Variants in CCDC3 observed in about 807,000 individuals in gnomAD.
CCDC3 encodes coiled-coil domain containing 3.
A neutral mutation model predicts 21.4 loss-of-function variants in CCDC3; 24 were observed. That is an observed-to-expected ratio of 1.12 (90% CI 0.81 to 1.58). The LOEUF (loss-of-function observed/expected upper bound fraction) is 1.58, where lower values mean the gene tolerates loss of function less well. Ranked by LOEUF, CCDC3 falls within the 40% of genes most tolerant of loss-of-function variation. The pLI, the probability that CCDC3 is intolerant of heterozygous loss-of-function variation, is 0.00. For synonymous variants in CCDC3, 186 were observed against 166.0 expected, an observed-to-expected ratio of 1.12 and a Z score of -0.93; for missense variants, 425 against 360.9, an observed-to-expected ratio of 1.18 and a Z score of -1.44.
chr10:13,001,487 C>T lies in CCDC3; in HGVS notation c.84G>A (p.Trp28Ter). Residue 28 changes from tryptophan (W) to a stop codon, truncating the protein, a stop_gained, in exon 1 of 3, where the codon TGG (tryptophan) becomes TGA (stop). Transcript: ENST00000378825. LOFTEE classifies it high-confidence loss of function. ...PARACQLPSE[W>*]RPLSEGCRAE... ...CGCGGCAGCCCTCGCTCAGGGGCCTCCACTCGGAGGGCAGCTGGCAGGCGC... is the reference window on the plus strand; with the variant it reads ...CGCGGCAGCCCTCGCTCAGGGGCCTTCACTCGGAGGGCAGCTGGCAGGCGC... 7.3e-7 allele frequency: 1 copy of T among 1,370,578 alleles called. No homozygotes were observed. The highest frequency in any genetic ancestry group is 9.4e-7 in the Non-Finnish European group (1 of 1,064,474). 84.9% of individuals were successfully genotyped at this position (1,370,578 alleles called of 1,614,324 possible). A position where few individuals can be genotyped will look rare whatever the true frequency, so the allele number is the denominator to read the frequency against.
At chr10:13,020,404 T>C (rs1445492432) in intron 5 of CCDC3, among the ~76,000 whole-genome samples, 2 of 152,166 alleles carry the variant, frequency 1.3e-5, no homozygotes, top group East Asian at 1.9e-4. Flanking sequence ...ACACAGAGGG[T>C]TGTGCTATTA....
At chr10:12,991,308 TTTG>T (rs1439392530) in intron 2 of CCDC3, among the ~76,000 whole-genome samples, 4 of 137,116 alleles carry the variant, frequency 2.9e-5, no homozygotes, top group Admixed American at 2.1e-4. Context: ...ATATGTTTTT[TTTG>T]TTGTTGTTGT....
chr10:13,046,720 A>AAG (rs1554764307), intron 5 of CCDC3, among the ~76,000 whole-genome samples: 9 of 145,094 alleles, frequency 6.2e-5, no homozygotes, highest in Middle Eastern at 3.5e-3. Flanking sequence ...AAAAAAAAAA[A>AAG]AAGAAGAAGA....
chr10:13,030,522 C>CAA (rs1351443943), intron 5 of CCDC3, among the ~76,000 whole-genome samples: 113 of 152,206 alleles, frequency 7.4e-4, no homozygotes, highest in African/African-American at 2.6e-3. Flanking sequence ...AGGCTAAATG[C>CAA]TCCAATTAAA....
At chr10:12,935,534 C>T (rs1038757975) in intron 2 of CCDC3, among the ~76,000 whole-genome samples, 2 of 152,120 alleles carry the variant, frequency 1.3e-5, no homozygotes, top group African/African-American at 2.4e-5. Flanking sequence ...CTATTTTTTA[C>T]TTCCTCCTGT....
At position 13,052,408 on chromosome 10, in the gene CCDC3, TTA is replaced by T. The variant is rs1836619247; in HGVS notation, c.-269-2469_-269-2468del. On this transcript the variant is annotated intron_variant, in intron 4 of 6. Coordinates refer to the CCDC3 transcript ENST00000378839. Reference sequence around the variant, plus strand: ...AACATCTCCAAGCTTTCTTGATTGCTTACCTGATTTGATCAGGTACGTTGTTT... The same window carrying T: ...AACATCTCCAAGCTTTCTTGATTGCTCCTGATTTGATCAGGTACGTTGTTT... Among the ~76,000 whole-genome samples the T allele has an allele frequency of 2.0e-5, 3 of 152,296 alleles. No individual in the cohort carries two copies. The South Asian group carries it at 6.2e-4, about 32-fold the overall frequency.
At chr10:12,958,063 G>C (rs1329658908) in intron 2 of CCDC3, among the ~76,000 whole-genome samples, 5 of 152,090 alleles carry the variant, frequency 3.3e-5, no homozygotes, top group African/African-American at 1.2e-4. Context: ...CTGACCTCAG[G>C]TGATCCACCT....
At position 12,904,468 on chromosome 10, in the gene CCDC3, T is replaced by TAAAA. The variant is rs55772750; in HGVS notation, c.550-5793_550-5790dup. Among the ~76,000 whole-genome samples, 5 of 40,900 alleles carry TAAAA rather than the reference T, an allele frequency of 1.2e-4. 1 individual carries two copies. The highest frequency in any genetic ancestry group is 1.8e-4 in the African/African-American group (2 of 11,056). The allele number at this position is 40,900 out of a possible 152,430, so 26.8% of individuals were successfully genotyped here. On this transcript the variant is annotated intron_variant, in intron 2 of 2. Coordinates refer to ENST00000378825, the MANE Select transcript of CCDC3 (RefSeq NM_031455.4). Reference sequence around the variant, plus strand: ...TAAGTTACAGAGCAAAAGCCAGTCTTAAAAAAAAAAAAAAAAAAAAAAAGA... The same window carrying TAAAA: ...TAAGTTACAGAGCAAAAGCCAGTCTTAAAAAAAAAAAAAAAAAAAAAAAAAAAGA...
chr10:13,000,908 G>C (rs1835839228), intron 1 of CCDC3, among the ~76,000 whole-genome samples: 1 of 152,158 alleles, frequency 6.6e-6, no homozygotes, highest in South Asian at 2.1e-4. Context: ...CAAGTCAAAG[G>C]GACTGTTGGA....
intron 2 of CCDC3, among the ~76,000 whole-genome samples, chr10:12,984,270 G>C (rs1045225714): frequency 2.0e-5 from 3 of 152,244 alleles, no homozygotes; most frequent in South Asian, 2.1e-4. Context: ...CTCCCAAAAG[G>C]ACACTATGCA....
chr10:12,938,147 G>A (rs1476607680), intron 2 of CCDC3, among the ~76,000 whole-genome samples: 1 of 152,092 alleles, frequency 6.6e-6, no homozygotes, highest in Non-Finnish European at 1.5e-5. Flanking sequence ...TTGGAAGGAG[G>A]GGTTAGCATT....
At chr10:13,090,141 T>C (rs1041590471) in intron 3 of CCDC3, among the ~76,000 whole-genome samples, 1 of 142,362 alleles carries the variant, frequency 7.0e-6, no homozygotes, top group Non-Finnish European at 1.5e-5. Context: ...CAGGCTGGAG[T>C]GCGGTGGTGT....
chr10:12,988,818 G>T (rs139461766), intron 2 of CCDC3, among the ~76,000 whole-genome samples: 1 of 152,072 alleles, frequency 6.6e-6, no homozygotes, highest in African/African-American at 2.4e-5. Context: ...ACACACTGTA[G>T]GTGTTTAGTA....
rs200224340 is a variant in CCDC3, at chr10:12,968,180, AG to A, written c.549+30157del. On this transcript the variant is annotated intron_variant, in intron 2 of 2. Coordinates refer to ENST00000378825, the MANE Select transcript of CCDC3 (RefSeq NM_031455.4). ...CGAGACTTCACCTCAGAAAAAAAAA[AG>A]AAAATACAAACACACACACATACAC... 1.9e-3 allele frequency among the ~76,000 whole-genome samples: 155 copies of A among 81,980 alleles called. 4 individuals carry two copies. Among genetic ancestry groups the A allele is most frequent in the African/African-American group, 2.9e-3 (70 of 23,936 alleles). The allele number at this position is 81,980 out of a possible 152,430, so 53.8% of individuals were successfully genotyped here.
intron 3 of CCDC3, among the ~76,000 whole-genome samples, chr10:13,077,693 G>A (rs1836983695): frequency 1.3e-5 from 2 of 152,156 alleles, no homozygotes; most frequent in African/African-American, 2.4e-5. Flanking sequence ...AGAGCCCTCA[G>A]AAATGATACC....
chr10:13,067,488 A>C (rs1045734918), intron 4 of CCDC3, among the ~76,000 whole-genome samples: 3 of 151,858 alleles, frequency 2.0e-5, no homozygotes, highest in African/African-American at 7.3e-5. Flanking sequence ...AGGATTTGTG[A>C]GGTTGGTCTT....
intron 5 of CCDC3, among the ~76,000 whole-genome samples, chr10:13,032,470 A>G (rs564930594): frequency 6.6e-6 from 1 of 152,330 alleles, no homozygotes; most frequent in Non-Finnish European, 1.5e-5. Context: ...TATTCAAAAT[A>G]GTGTTGGAAG....
intron 5 of CCDC3, among the ~76,000 whole-genome samples, chr10:13,029,018 G>C (rs779620251): frequency 5.3e-5 from 8 of 152,188 alleles, no homozygotes; most frequent in Non-Finnish European, 8.8e-5. Context: ...AATTCCCTCT[G>C]ACTGAGTAGC....
chr10:13,035,597 C>G (rs982695673), intron 5 of CCDC3, among the ~76,000 whole-genome samples: 9 of 152,168 alleles, frequency 5.9e-5, no homozygotes, highest in African/African-American at 2.2e-4. Flanking sequence ...ATTGAACCAA[C>G]CATGTTCTGC....
Sources: allele counts gnomAD v4.1 joint callset (sites outside exome capture counted in the v4.1 genomes callset), GRCh38; gene constraint gnomAD v4.1.1; transcripts MANE v1.5; gene names NCBI Gene and HGNC (gene_info 2026-07-23, HGNC 2026-07-21).